Variants in UTP20 observed in about 807,000 individuals in gnomAD.
UTP20 encodes UTP20 small subunit processome component, also known as small subunit processome component 20 homolog.
A neutral mutation model predicts 329.5 loss-of-function variants in UTP20; 164 were observed. That is an observed-to-expected ratio of 0.50 (90% CI 0.44 to 0.57). The LOEUF is 0.57. UTP20 is among the 20% of genes least tolerant of loss of function. The pLI is 0.00. For missense variants in UTP20, 3,055 were observed against 3,284.2 expected, an observed-to-expected ratio of 0.93 and a Z score of 1.71; for synonymous variants, 1,151 against 1,159.3, an observed-to-expected ratio of 0.99 and a Z score of 0.14.
rs374165273 is a variant in UTP20, at chr12:101,305,788, A to G, written c.1782-127A>G. On this transcript the variant is annotated intron_variant, in intron 15 of 61. Transcript: ENST00000261637. ...CATCTATGAAGTGAGCCAGATATCC[A>G]CGTGAGACTTTTGCCTGTTACCTTT... The G allele has an allele frequency of 5.8e-5, 64 of 1,097,994 alleles. No individual in the cohort carries two copies. The East Asian group carries it at 1.6e-3, about 27-fold the overall frequency. 68.0% of individuals were successfully genotyped at this position (1,097,994 alleles called of 1,614,324 possible). A position where few individuals can be genotyped will look rare whatever the true frequency, so the allele number is the denominator to read the frequency against.
chr12:101,306,070 T>C lies in UTP20; in HGVS notation c.1932+5T>C, dbSNP rs867465478. The C allele has an allele frequency of 1.2e-6, 2 of 1,607,600 alleles. No individual in the cohort carries two copies. The highest frequency in any genetic ancestry group is 1.7e-6 in the Non-Finnish European group (2 of 1,176,176). ...ATTTCAACTGGTGTATCCAAGGTAA[T>C]GGTGTTTTGTGGTAGTGTGTCCTCA... On this transcript the variant is annotated splice_donor_5th_base_variant and intron_variant, in intron 16 of 61. Transcript: ENST00000261637.
chr12:101,379,370 G>A lies in UTP20; in HGVS notation c.7397-1G>A. Reference sequence around the variant, plus strand: ...CCACAAATGCTTTTTGGTTCCCTTAGGTCATGTGCATTCTCACCTGAGACA... The same window carrying A: ...CCACAAATGCTTTTTGGTTCCCTTAAGTCATGTGCATTCTCACCTGAGACA... On this transcript the variant is annotated splice_acceptor_variant, in intron 56 of 61. Transcript: ENST00000261637. LOFTEE classifies it high-confidence loss of function. 6.2e-7 allele frequency: 1 copy of A among 1,601,124 alleles called. No homozygotes were observed. Among genetic ancestry groups the A allele is most frequent in the South Asian group, 1.1e-5 (1 of 89,552 alleles).
intron 33 of UTP20, 74 bp from the exon 34 acceptor site, chr12:101,342,713 G>A (rs1205033183): frequency 5.2e-6 from 8 of 1,539,510 alleles, no homozygotes; most frequent in Non-Finnish European, 7.1e-6. Flanking sequence ...AATGGGGACA[G>A]GTAGCTGAGG....
chr12:101,296,557 C>A, intron 12 of UTP20, among the ~76,000 whole-genome samples: 1 of 137,552 alleles, frequency 7.3e-6, no homozygotes. Context: ...CACGACAGAG[C>A]GAGACTTCAT....
chr12:101,299,922 A>G (rs761313129), intron 13 of UTP20, 51 bp from the exon 14 acceptor site: 2 of 1,610,572 alleles, frequency 1.2e-6, no homozygotes, highest in South Asian at 2.2e-5. Flanking sequence ...TCTCTGAAAC[A>G]AACCATTGAA....
At position 101,356,597 on chromosome 12, in the gene UTP20, T is replaced by C; in HGVS notation, c.5438T>C (p.Val1813Ala). ...CACAAGCTTGTCAAGTCAAAGGTTGTGAATGATGAGGAAGTCGTTCGAGTT... is the reference window on the plus strand; with the variant it reads ...CACAAGCTTGTCAAGTCAAAGGTTGCGAATGATGAGGAAGTCGTTCGAGTT... Reference protein sequence around the residue: ...EEHKLVKSKVVNDEEVVRVPL... With the variant: ...EEHKLVKSKVANDEEVVRVPL... The change falls in exon 42 of 62, where the codon GTG becomes GCG. Residue 1813 changes from valine (V) to alanine (A), a missense_variant. Val to Ala is a moderately conservative substitution (Grantham distance 64, BLOSUM62 0). Coordinates refer to ENST00000261637, the MANE Select transcript of UTP20 (RefSeq NM_014503.3). The C allele has an allele frequency of 1.9e-6, 3 of 1,613,892 alleles. No homozygotes were observed. The highest frequency in any genetic ancestry group is 2.5e-6 in the Non-Finnish European group (3 of 1,179,894).
chr12:101,381,531 G>A (rs769101537), intron 58 of UTP20, among the ~76,000 whole-genome samples: 41 of 151,966 alleles, frequency 2.7e-4, no homozygotes, highest in Non-Finnish European at 5.6e-4. Flanking sequence ...GCGAGACTCC[G>A]TCTCAGAAAT....
intron 35 of UTP20, 91 bp from the exon 36 acceptor site, chr12:101,344,504 C>T (rs1869254586): frequency 4.1e-6 from 3 of 725,114 alleles, no homozygotes; most frequent in East Asian, 2.5e-5. Context: ...AGCACAGTGA[C>T]AGAATTTTGT....
chr12:101,282,317 A>G (rs962974965), intron 2 of UTP20, among the ~76,000 whole-genome samples: 7 of 152,184 alleles, frequency 4.6e-5, no homozygotes, highest in Non-Finnish European at 1.0e-4. Flanking sequence ...AATTTTGTTT[A>G]TATAGGTTTT....
At chr12:101,367,196 A>T (rs1470833016) in intron 47 of UTP20, among the ~76,000 whole-genome samples, 1 of 152,040 alleles carries the variant, frequency 6.6e-6, no homozygotes, top group Admixed American at 6.6e-5. Context: ...AAGGTGGGAG[A>T]ATCACTTGAG....
At chr12:101,328,220 CA>C (rs1456667855) in intron 26 of UTP20, among the ~76,000 whole-genome samples, 1 of 151,932 alleles carries the variant, frequency 6.6e-6, no homozygotes, top group African/African-American at 2.4e-5. Flanking sequence ...TGATGAATGC[CA>C]AAAAAAGTTT....
chr12:101,372,840 A>C, intron 51 of UTP20, 44 bp from the exon 52 acceptor site: 1 of 1,493,154 alleles, frequency 6.7e-7, no homozygotes, highest in Non-Finnish European at 9.3e-7. Flanking sequence ...CAGGAATACT[A>C]GAGGTGAGAT....
rs111990342 is a variant in UTP20, at chr12:101,304,261, A to G, written c.1782-1654A>G. Among the ~76,000 whole-genome samples the G allele has an allele frequency of 5.4e-3, 816 of 152,292 alleles. 5 individuals are homozygous for G. The highest frequency in any genetic ancestry group is 0.019 in the African/African-American group (772 of 41,556). On this transcript the variant is annotated intron_variant, in intron 15 of 61. Coordinates refer to ENST00000261637, the MANE Select transcript of UTP20 (RefSeq NM_014503.3). The stretch of plus-strand genomic sequence containing the variant: ...AAGACTGCCTGGTTTTGACTCTTGA[A>G]TCCACCACTTACTAGCTGTAGCCTT...
chr12:101,288,654 C>A (rs1164779738), intron 5 of UTP20, among the ~76,000 whole-genome samples: 1 of 152,128 alleles, frequency 6.6e-6, no homozygotes, highest in Non-Finnish European at 1.5e-5. Context: ...GCTTTTATAC[C>A]AATAATATGG....
chr12:101,281,668 C>T (rs969225455), intron 2 of UTP20, among the ~76,000 whole-genome samples: 1 of 152,080 alleles, frequency 6.6e-6, no homozygotes. Flanking sequence ...CAGTTTTAAC[C>T]ATACTCTGAC....
intron 47 of UTP20, 98 bp downstream of exon 47, chr12:101,366,797 T>C: frequency 1.4e-6 from 2 of 1,434,172 alleles, no homozygotes; most frequent in Non-Finnish European, 1.9e-6. Context: ...CCATTGGAAA[T>C]GCCTTACTGT....
intron 37 of UTP20, 97 bp downstream of exon 37, chr12:101,345,791 A>G (rs1869304237): frequency 8.3e-7 from 1 of 1,197,850 alleles, no homozygotes; most frequent in East Asian, 2.6e-5. Flanking sequence ...ACTTTCCAAA[A>G]AGGTTTAAGC....
At chr12:101,339,692 G>C (rs1023693697) in intron 31 of UTP20, among the ~76,000 whole-genome samples, 1 of 152,142 alleles carries the variant, frequency 6.6e-6, no homozygotes, top group Admixed American at 6.6e-5. Flanking sequence ...GGTTGTTAAA[G>C]AGTCTGTTTG....
At chr12:101,367,356 T>A (rs978627158) in intron 47 of UTP20, among the ~76,000 whole-genome samples, 2 of 152,194 alleles carry the variant, frequency 1.3e-5, no homozygotes, top group Non-Finnish European at 2.9e-5. Flanking sequence ...ATTTCCTTTT[T>A]AAAACCCTTC....
Sources: gnomAD v4.1 joint callset for allele counts (sites outside exome capture counted in the v4.1 genomes callset) on GRCh38, gnomAD v4.1.1 for gene constraint, MANE v1.5 for transcripts, NCBI Gene and HGNC (gene_info 2026-07-23, HGNC 2026-07-21) for gene names.